CCDC146: variants seen among roughly 807,000 people sequenced by gnomAD.
CCDC146 encodes the protein coiled-coil domain containing 146.
In CCDC146, 92 loss-of-function variants were observed where a neutral mutation model predicts 119.3. The ratio of observed to expected loss-of-function variants is 0.77; its 90% confidence interval spans 0.65 to 0.92. The LOEUF (loss-of-function observed/expected upper bound fraction) is 0.92, where lower values mean the gene tolerates loss of function less well. CCDC146 is among the 40% of genes least tolerant of loss of function. The probability of loss-of-function intolerance (pLI) is 0.00; values close to 1 mark genes in which losing one functional copy is unlikely to be tolerated. For synonymous variants in CCDC146, 372 were observed against 371.8 expected (o/e 1.00, Z -0.01); for missense variants, 1,000 against 1,103.0 (o/e 0.91, Z 1.32).
In CCDC146 at chr7:77,123,403, GGTGTGTGTGTGTGTGTGT is replaced by G. The variant is rs557580080; in HGVS notation, c.-12+708_-12+725del. Among the ~76,000 whole-genome samples, 292 of 125,232 alleles carry G rather than the reference GGTGTGTGTGTGTGTGTGT, an allele frequency of 2.3e-3. 2 individuals are homozygous for G. The highest frequency in any genetic ancestry group is 6.5e-3 in the African/African-American group (214 of 33,070). The allele number at this position is 125,232 out of a possible 152,430, so 82.2% of individuals were successfully genotyped here. On this transcript the variant is annotated intron_variant, in intron 1 of 18. Transcript: ENST00000285871. ...AAGATGGTTCTAAATGACCCTATAA[GGTGTGTGTGTGTGTGTGT>G]GTGTGTGTGTGTGTGTGTGTGTGTG...
intron 2 of CCDC146, among the ~76,000 whole-genome samples, chr7:77,209,759 C>G (rs1792147591): frequency 6.6e-6 from 1 of 152,222 alleles, no homozygotes. Context: ...CTCTTGCCCT[C>G]TGCACACCCA....
At position 77,187,926 on chromosome 7, in the gene CCDC146, G is replaced by GT. The variant is rs543773527; in HGVS notation, c.156+20103dup. 1.2e-4 allele frequency among the ~76,000 whole-genome samples: 18 copies of GT among 152,190 alleles called. No individual in the cohort carries two copies. The South Asian group carries it at 3.7e-3, about 32-fold the overall frequency. Reference sequence around the variant, plus strand: ...ATACCTAACTTAATAGCATAGACCCGTAACAATAGCTGAGTGTTGGCCAAT... The same window carrying GT: ...ATACCTAACTTAATAGCATAGACCCGTTAACAATAGCTGAGTGTTGGCCAAT... On this transcript the variant is annotated intron_variant, in intron 2 of 18. Coordinates refer to ENST00000285871, the MANE Select transcript of CCDC146 (RefSeq NM_020879.3).
chr7:77,136,401 AAGAC>A (rs1345948326), intron 1 of CCDC146, among the ~76,000 whole-genome samples: 1 of 152,228 alleles, frequency 6.6e-6, no homozygotes, highest in Non-Finnish European at 1.5e-5. Flanking sequence ...ATTAAGAAAA[AAGAC>A]AGAAGACACA....
chr7:77,185,313 C>T (rs891759858), intron 2 of CCDC146, among the ~76,000 whole-genome samples: 1 of 152,126 alleles, frequency 6.6e-6, no homozygotes, highest in Non-Finnish European at 1.5e-5. Flanking sequence ...TATTACATTA[C>T]TGAATGGGAC....
chr7:77,147,979 T>C (rs1367324272), intron 1 of CCDC146, among the ~76,000 whole-genome samples: 2 of 152,238 alleles, frequency 1.3e-5, no homozygotes, highest in Non-Finnish European at 2.9e-5. Context: ...TTCTGCTGCC[T>C]TTTGTTCGGC....
intron 13 of CCDC146, 137 bp downstream of exon 13, chr7:77,279,238 T>G: frequency 1.5e-6 from 1 of 649,078 alleles, no homozygotes; most frequent in Non-Finnish European, 2.5e-6. Context: ...CCCTCCAGCC[T>G]GGGTGACAGA....
At chr7:77,274,865 C>T (rs910807211) in intron 11 of CCDC146, among the ~76,000 whole-genome samples, 4 of 152,048 alleles carry the variant, frequency 2.6e-5, no homozygotes, top group Admixed American at 2.6e-4. Flanking sequence ...ACATCACACA[C>T]CGGGGCCTGT....
At chr7:77,152,168 C>T (rs1275060244) in intron 1 of CCDC146, among the ~76,000 whole-genome samples, 3 of 152,196 alleles carry the variant, frequency 2.0e-5, no homozygotes, top group African/African-American at 7.2e-5. Flanking sequence ...ACCTCAGAGG[C>T]TTACACTGAT....
intron 4 of CCDC146, 25 bp downstream of exon 4, chr7:77,241,925 C>A: frequency 6.5e-7 from 1 of 1,549,598 alleles, no homozygotes; most frequent in Non-Finnish European, 8.9e-7. Context: ...CTCTCCGGCA[C>A]ACTGAAAAGT....
At chr7:77,275,696 G>T (rs1183855503) in intron 11 of CCDC146, among the ~76,000 whole-genome samples, 1 of 152,106 alleles carries the variant, frequency 6.6e-6, no homozygotes, top group Non-Finnish European at 1.5e-5. Flanking sequence ...ACCCTTAGTT[G>T]CTTCATCACA....
intron 9 of CCDC146, among the ~76,000 whole-genome samples, chr7:77,264,225 G>A (rs561798604): frequency 3.3e-5 from 5 of 151,958 alleles, no homozygotes; most frequent in African/African-American, 1.2e-4. Context: ...ATCTTTTGGC[G>A]TGTTAGATTC....
chr7:77,203,696 A>T (rs912821143), intron 2 of CCDC146, among the ~76,000 whole-genome samples: 4 of 151,768 alleles, frequency 2.6e-5, no homozygotes, highest in African/African-American at 9.7e-5. Context: ...GTCTACCCTG[A>T]CTCCTAGTAT....
intron 2 of CCDC146, among the ~76,000 whole-genome samples, chr7:77,172,447 T>C (rs1199696810): frequency 6.6e-6 from 1 of 152,228 alleles, no homozygotes; most frequent in Non-Finnish European, 1.5e-5. Flanking sequence ...TTGCTTGGCA[T>C]AGCATTGGAA....
chr7:77,209,291 G>A (rs1167625586), intron 2 of CCDC146, among the ~76,000 whole-genome samples: 1 of 152,164 alleles, frequency 6.6e-6, no homozygotes, highest in Non-Finnish European at 1.5e-5. Flanking sequence ...GTAGGTACAG[G>A]CCCCATGCAA....
intron 1 of CCDC146, among the ~76,000 whole-genome samples, chr7:77,141,535 A>G (rs924965017): frequency 2.6e-5 from 4 of 152,124 alleles, no homozygotes; most frequent in Non-Finnish European, 4.4e-5. Flanking sequence ...ACTCCCACCA[A>G]CACAGTAAAA....
intron 2 of CCDC146, chr7:77,199,331 G>T: frequency 6.2e-7 from 1 of 1,614,080 alleles, no homozygotes; most frequent in Non-Finnish European, 8.5e-7. Context: ...AGGCGACCAT[G>T]AAGTACATTG....
chr7:77,131,665 C>T (rs1790787371), intron 1 of CCDC146, among the ~76,000 whole-genome samples: 1 of 152,226 alleles, frequency 6.6e-6, no homozygotes, highest in South Asian at 2.1e-4. Flanking sequence ...TTGCAGTGAA[C>T]CAAGATCGTG....
chr7:77,245,346 G>C (rs1404944578), intron 4 of CCDC146, among the ~76,000 whole-genome samples: 2 of 152,230 alleles, frequency 1.3e-5, no homozygotes, highest in African/African-American at 4.8e-5. Context: ...AGTTTGAAAA[G>C]ATTTTTCAGT....
intron 2 of CCDC146, among the ~76,000 whole-genome samples, chr7:77,213,077 G>A (rs1278592577): frequency 6.7e-6 from 1 of 149,796 alleles, no homozygotes; most frequent in Admixed American, 6.8e-5. Context: ...TTTACATAGT[G>A]ATGGCTTTTT....
Sources: allele counts gnomAD v4.1 joint callset (sites outside exome capture counted in the v4.1 genomes callset), GRCh38; gene constraint gnomAD v4.1.1; transcripts MANE v1.5; gene names NCBI Gene and HGNC (gene_info 2026-07-23, HGNC 2026-07-21).